Variants in NTN1 observed in about 807,000 individuals in gnomAD.
NTN1 encodes netrin 1.
NTN1 carries 11 observed loss-of-function variants against 54.2 expected under a neutral mutation model. The ratio of observed to expected loss-of-function variants is 0.20; its 90% CI spans 0.13 to 0.34. The LOEUF is 0.34. NTN1 is among the 10% of genes least tolerant of loss of function. NTN1 has a pLI of 1.00. For synonymous variants in NTN1, 371 were observed against 382.0 expected (o/e 0.97, Z 0.33); for missense variants, 740 against 893.1 (o/e 0.83, Z 2.18).
intron 2 of NTN1, among the ~76,000 whole-genome samples, chr17:9,085,548 G>T (rs535556752): frequency 1.3e-5 from 2 of 152,350 alleles, no homozygotes; most frequent in African/African-American, 4.8e-5. Flanking sequence ...GCAACAGTTA[G>T]CTTCTCTGCT....
rs570989838 is a variant in NTN1, at chr17:9,061,673, T to G, written c.1018+38282T>G. 2.2e-4 allele frequency among the ~76,000 whole-genome samples: 33 copies of G among 151,900 alleles called. 1 individual carries two copies. The East Asian group carries it at 2.3e-3, about 11-fold the overall frequency. On this transcript the variant is annotated intron_variant, in intron 2 of 6. Coordinates refer to ENST00000173229, the MANE Select transcript of NTN1 (RefSeq NM_004822.3). ...GCGATGGGCATCCAGGAGCAGTTTTTTTGTTGTTGTTGTTGTTTTTGTTTT... is the reference window on the plus strand; with the variant it reads ...GCGATGGGCATCCAGGAGCAGTTTTGTTGTTGTTGTTGTTGTTTTTGTTTT...
chr17:9,097,653 CCAAA>C (rs1287441250), intron 2 of NTN1, among the ~76,000 whole-genome samples: 1 of 151,644 alleles, frequency 6.6e-6, no homozygotes, highest in Non-Finnish European at 1.5e-5. Context: ...CAAAAAAACC[CCAAA>C]CAGACAAACA....
At chr17:9,218,002 C>A (rs921077616) in intron 5 of NTN1, among the ~76,000 whole-genome samples, 2 of 152,192 alleles carry the variant, frequency 1.3e-5, no homozygotes, top group African/African-American at 4.8e-5. Flanking sequence ...TTTCCTCTGC[C>A]ACACTGGGTG....
the NTN1 span, among the ~76,000 whole-genome samples, chr17:9,015,379 C>T: frequency 6.6e-6 from 1 of 151,958 alleles, no homozygotes; most frequent in African/African-American, 2.4e-5. Flanking sequence ...CCACTGCACT[C>T]CAGCCTGGGC....
At chr17:9,233,124 G>C (rs1359045341) in intron 6 of NTN1, among the ~76,000 whole-genome samples, 2 of 152,020 alleles carry the variant, frequency 1.3e-5, no homozygotes, top group Non-Finnish European at 2.9e-5. Context: ...GGAAGCTGCT[G>C]GGAGCCACTG....
intron 5 of NTN1, among the ~76,000 whole-genome samples, chr17:9,193,161 A>G (rs1191199260): frequency 6.6e-6 from 1 of 152,056 alleles, no homozygotes; most frequent in Non-Finnish European, 1.5e-5. Context: ...TTAAAAAAGG[A>G]CTGAGCTTTT....
chr17:9,184,210 A>G (rs1175425287), intron 5 of NTN1, among the ~76,000 whole-genome samples: 1 of 152,234 alleles, frequency 6.6e-6, no homozygotes. Context: ...AAGGACAGAA[A>G]TGCGTTTCAG....
intron 6 of NTN1, among the ~76,000 whole-genome samples, chr17:9,229,023 AGACTGTGT>A (rs1362576476): frequency 2.0e-4 from 10 of 50,584 alleles, no homozygotes; most frequent in African/African-American, 1.0e-3. Context: ...TGACTGTGTG[AGACTGTGT>A]GACTGGGTGT....
chr17:9,150,239 G>A (rs1323331865), intron 2 of NTN1, among the ~76,000 whole-genome samples: 2 of 151,826 alleles, frequency 1.3e-5, no homozygotes, highest in African/African-American at 2.4e-5. Flanking sequence ...GAAGGAAGGA[G>A]CAAGACCTCC....
At chr17:9,041,582 G>A (rs567205039) in intron 2 of NTN1, among the ~76,000 whole-genome samples, 2 of 152,264 alleles carry the variant, frequency 1.3e-5, no homozygotes, top group Admixed American at 6.5e-5. Context: ...TTCATCAGTT[G>A]ATGGACATTT....
chr17:9,180,063 G>A, intron 4 of NTN1, 107 bp downstream of exon 4: 1 of 1,259,848 alleles, frequency 7.9e-7, no homozygotes, highest in South Asian at 1.5e-5. Context: ...TTGGTTGGTT[G>A]AGTCTCACTG....
upstream of NTN1, among the ~76,000 whole-genome samples, chr17:9,018,663 A>G (rs1219422577): frequency 1.3e-5 from 2 of 151,396 alleles, no homozygotes; most frequent in African/African-American, 4.8e-5. Flanking sequence ...GGACAGAAAC[A>G]ACATTCAGGA....
chr17:9,141,176 T>A (rs1036407516), intron 2 of NTN1, among the ~76,000 whole-genome samples: 1 of 151,198 alleles, frequency 6.6e-6, no homozygotes, highest in African/African-American at 2.4e-5. Context: ...AGATATATAT[T>A]TGGGAGTCAT....
At chr17:9,226,290 G>C (rs567542681) in intron 6 of NTN1, among the ~76,000 whole-genome samples, 1 of 152,132 alleles carries the variant, frequency 6.6e-6, no homozygotes, top group Non-Finnish European at 1.5e-5. Flanking sequence ...CTTCGCCGCC[G>C]GGGCCTCGGT....
chr17:9,224,739 C>A (rs117985957), intron 6 of NTN1, among the ~76,000 whole-genome samples: 1 of 152,080 alleles, frequency 6.6e-6, no homozygotes, highest in Non-Finnish European at 1.5e-5. Flanking sequence ...GGCCCAGGCG[C>A]GTCACCCAGC....
intron 2 of NTN1, among the ~76,000 whole-genome samples, chr17:9,132,089 G>A (rs954380656): frequency 3.3e-5 from 5 of 151,568 alleles, no homozygotes; most frequent in African/African-American, 4.9e-5. Flanking sequence ...CTCTGTCCGC[G>A]CAGGAGTTAG....
the NTN1 span, among the ~76,000 whole-genome samples, chr17:9,004,600 G>A: frequency 6.6e-6 from 1 of 152,192 alleles, no homozygotes; most frequent in Admixed American, 6.5e-5. Context: ...GGGATCGTGC[G>A]CTCCCGCCGC....
At chr17:9,162,369 A>G (rs970555665) in intron 2 of NTN1, among the ~76,000 whole-genome samples, 2 of 152,186 alleles carry the variant, frequency 1.3e-5, no homozygotes, top group African/African-American at 4.8e-5. Context: ...GTTGCTCTGG[A>G]GGCCCTTCTG....
Position 9,221,059 on chromosome 17 carries a change from A to C in NTN1, c.1412-109A>C. On this transcript the variant is annotated intron_variant, in intron 5 of 6. Transcript: ENST00000173229. The surrounding 1 kb of genome is among the most constrained non-coding windows in gnomAD (Gnocchi z 4.5). ...TGCCCGCCCGGCCTGGCCCATGGGT[A>C]TCACAGGCCTCTGGCTATTTAGGGA... 1.6e-4 allele frequency: 127 copies of C among 790,486 alleles called. No homozygotes were observed. Among genetic ancestry groups the C allele is most frequent in the Non-Finnish European group, 2.4e-4 (105 of 442,806 alleles). The allele number at this position is 790,486 out of a possible 1,614,324, so 49.0% of individuals were successfully genotyped here.
Sources: allele counts gnomAD v4.1 joint callset (sites outside exome capture counted in the v4.1 genomes callset), GRCh38; gene constraint gnomAD v4.1.1; non-coding constraint Gnocchi (gnomAD v3.1); transcripts MANE v1.5; gene names NCBI Gene and HGNC (gene_info 2026-07-23, HGNC 2026-07-21).